TBX15: variants seen among roughly 807,000 people sequenced by gnomAD.
The protein encoded by TBX15 is T-box transcription factor TBX15.
Under a neutral mutation model 53.9 loss-of-function variants are expected in TBX15, and 18 were observed. That is an observed-to-expected ratio of 0.33 (90% CI 0.23 to 0.49). The LOEUF is 0.49. Among genes scored for constraint, TBX15 ranks in the 20% least tolerant of loss-of-function variants. TBX15 has a pLI of 0.98. For synonymous variants in TBX15, 295 were observed against 278.0 expected (o/e 1.06, Z -0.61); for missense variants, 692 against 749.5 (o/e 0.92, Z 0.90).
At chr1:118,964,632 A>C (rs995854751) in intron 1 of TBX15, among the ~76,000 whole-genome samples, 3 of 152,242 alleles carry the variant, frequency 2.0e-5, no homozygotes, top group Non-Finnish European at 1.5e-5. Flanking sequence ...TACATATTGT[A>C]AGTGTTCAAT....
At chr1:118,899,817 G>A (rs1284399586) in intron 6 of TBX15, among the ~76,000 whole-genome samples, 1 of 152,078 alleles carries the variant, frequency 6.6e-6, no homozygotes, top group Non-Finnish European at 1.5e-5. Context: ...TCTGGTCTTT[G>A]GCCATCACAA....
intron 6 of TBX15, among the ~76,000 whole-genome samples, chr1:118,905,539 C>G (rs182184381): frequency 6.6e-6 from 1 of 152,188 alleles, no homozygotes; most frequent in Non-Finnish European, 1.5e-5. Flanking sequence ...AGGAGTCCAG[C>G]TGGATCATCT....
intron 3 of TBX15, among the ~76,000 whole-genome samples, chr1:118,925,857 G>C (rs1356209380): frequency 6.6e-6 from 1 of 152,040 alleles, no homozygotes. Flanking sequence ...TCAAAAATGA[G>C]TAATGATTTA....
intron 6 of TBX15, among the ~76,000 whole-genome samples, chr1:118,909,098 C>G (rs1654941238): frequency 6.6e-6 from 1 of 152,232 alleles, no homozygotes; most frequent in Admixed American, 6.5e-5. Flanking sequence ...ACAATAGGCT[C>G]TAATGATGGT....
Position 118,923,492 on chromosome 1 carries a change from T to C in TBX15, c.805A>G (p.Thr269Ala). ...KPVPVGDGVKTFNFPETVFTT... is the reference protein window; with the variant it reads ...KPVPVGDGVKAFNFPETVFTT... The stretch of plus-strand genomic sequence containing the variant: ...AACACAGTCTCAGGAAAGTTGAACG[T>C]TTTCACCCCATCCCCAACAGGAACA... Residue 269 changes from threonine (T) to alanine (A), a missense_variant, in exon 5 of 8, where the codon ACG (threonine) becomes GCG (alanine). Physicochemically the swap from Thr to Ala is moderately conservative, Grantham distance 58. Around this residue, in one of 3 missense-constraint regions of TBX15, gnomAD observed 307 missense variants for 347.5 expected, o/e 0.88. Coordinates refer to ENST00000369429, the MANE Select transcript of TBX15 (RefSeq NM_001330677.2). The C allele has an allele frequency of 6.2e-7, 1 of 1,613,940 alleles. No homozygotes were observed. Among genetic ancestry groups the C allele is most frequent in the Non-Finnish European group, 8.5e-7 (1 of 1,179,928 alleles).
intron 5 of TBX15, among the ~76,000 whole-genome samples, chr1:118,914,528 G>A (rs908278763): frequency 6.6e-6 from 1 of 152,146 alleles, no homozygotes; most frequent in African/African-American, 2.4e-5. Flanking sequence ...TGACACACGG[G>A]AGGCACTTAA....
chr1:118,885,272 C>T lies in TBX15; in HGVS notation c.1269G>A (p.Arg423=), dbSNP rs1653898173. ...TGGCTGAAGTGGTGCCACTCTGAAG[C>T]CTGTTGTAGCCACTGTCACTCAGCC... is the stretch of plus-strand genomic sequence containing the variant. ...YPGLSDSGYN[R]LQSGTTSATQ... The change falls in exon 8 of 8, where the codon AGG becomes AGA. Residue 423 remains arginine (R), a synonymous_variant. Coordinates refer to ENST00000369429, the MANE Select transcript of TBX15 (RefSeq NM_001330677.2). 2 of 1,614,044 alleles carry T rather than the reference C, an allele frequency of 1.2e-6. No individual in the cohort carries two copies. Among genetic ancestry groups the T allele is most frequent in the Non-Finnish European group, 1.7e-6 (2 of 1,180,018 alleles).
At chr1:118,955,009 G>T (rs1162198583) in intron 1 of TBX15, among the ~76,000 whole-genome samples, 4 of 152,214 alleles carry the variant, frequency 2.6e-5, no homozygotes, top group Admixed American at 2.6e-4. Context: ...CACAAAGGGA[G>T]TGTGAAGAAT....
intron 6 of TBX15, among the ~76,000 whole-genome samples, chr1:118,908,728 C>T (rs1020921614): frequency 2.0e-5 from 3 of 152,108 alleles, no homozygotes; most frequent in African/African-American, 7.2e-5. Context: ...CGTGAACACA[C>T]ACGTACACCT....
At chr1:118,945,681 TC>T (rs146936009) in intron 1 of TBX15, among the ~76,000 whole-genome samples, 19 of 152,082 alleles carry the variant, frequency 1.2e-4, no homozygotes, top group African/African-American at 3.9e-4. Flanking sequence ...AGGATTATTT[TC>T]CCCCCCTACT....
intron 1 of TBX15, among the ~76,000 whole-genome samples, chr1:118,939,126 G>T (rs999941514): frequency 6.6e-6 from 1 of 152,060 alleles, no homozygotes; most frequent in Non-Finnish European, 1.5e-5. Context: ...GCAGGAGCAG[G>T]CCAGGCCTAA....
intron 7 of TBX15, 28 bp from the exon 8 acceptor site, chr1:118,885,544 A>G (rs909219097): frequency 2.6e-6 from 4 of 1,554,544 alleles, no homozygotes; most frequent in Non-Finnish European, 3.5e-6. Flanking sequence ...AATACTATTG[A>G]GACAGAGTCT....
chr1:118,902,912 A>G (rs1654682142), intron 6 of TBX15, among the ~76,000 whole-genome samples: 1 of 152,124 alleles, frequency 6.6e-6, no homozygotes, highest in African/African-American at 2.4e-5. Context: ...CCAAGTTTTT[A>G]AAAGTGAATT....
rs1656528863 is a variant in TBX15 at position 118,951,926 on chromosome 1, C to T, written c.206-20094G>A. Reference sequence around the variant, plus strand: ...TGTGACTCTCTATCCATGCCTTCAGCTGGCAGGAATGTAGGGCTGCAGTTG... The same window carrying T: ...TGTGACTCTCTATCCATGCCTTCAGTTGGCAGGAATGTAGGGCTGCAGTTG... On this transcript the variant is annotated intron_variant, in intron 1 of 7. Coordinates refer to ENST00000369429, the MANE Select transcript of TBX15 (RefSeq NM_001330677.2). 5.3e-5 allele frequency among the ~76,000 whole-genome samples: 8 copies of T among 152,320 alleles called. No individual in the cohort carries two copies. The South Asian group carries it at 1.7e-3, about 32-fold the overall frequency.
intron 1 of TBX15, among the ~76,000 whole-genome samples, chr1:118,934,216 C>T (rs1334439149): frequency 1.3e-5 from 2 of 152,112 alleles, no homozygotes; most frequent in African/African-American, 2.4e-5. Context: ...AAAGAATGAA[C>T]TTAAGGATTA....
At chr1:118,923,337 T>C in intron 5 of TBX15, 99 bp downstream of exon 5, 1 of 1,446,814 alleles carries the variant, frequency 6.9e-7, no homozygotes, top group Non-Finnish European at 9.6e-7. Context: ...AGGGTTGTTG[T>C]ATGTCAAATT....
intron 1 of TBX15, among the ~76,000 whole-genome samples, chr1:118,949,137 A>G (rs1354038987): frequency 6.6e-6 from 1 of 152,164 alleles, no homozygotes; most frequent in African/African-American, 2.4e-5. Flanking sequence ...TTGATTAGTG[A>G]TGTGTTTCAT....
intron 1 of TBX15, among the ~76,000 whole-genome samples, chr1:118,973,989 A>T (rs1289034627): frequency 1.3e-5 from 2 of 152,188 alleles, no homozygotes; most frequent in East Asian, 3.8e-4. Context: ...CCCAGGATTA[A>T]TGTTGGTCAT....
At chr1:118,959,378 A>G (rs1265153875) in intron 1 of TBX15, among the ~76,000 whole-genome samples, 1 of 152,218 alleles carries the variant, frequency 6.6e-6, no homozygotes, top group East Asian at 1.9e-4. Context: ...CCAGGTGTTC[A>G]AGGCTTCTGC....
Sources: gnomAD v4.1 joint callset for allele counts (sites outside exome capture counted in the v4.1 genomes callset) on GRCh38, gnomAD v4.1.1 for gene constraint, gnomAD v4.1.1 regional missense constraint, MANE v1.5 for transcripts, NCBI Gene and HGNC (gene_info 2026-07-23, HGNC 2026-07-21) for gene names.